Variants in CHST8 observed in about 807,000 individuals in gnomAD.
The protein encoded by CHST8 is GALNAC-4-ST1.
A neutral mutation model predicts 15.0 loss-of-function variants in CHST8; 10 were observed. The ratio of observed to expected loss-of-function variants is 0.67; its 90% CI spans 0.41 to 1.13. The LOEUF is 1.13. Among genes scored for constraint, CHST8 ranks in the 50% most tolerant of loss-of-function variants. The pLI is 0.00. For missense variants in CHST8, 634 were observed against 608.2 expected (o/e 1.04, Z -0.45); for synonymous variants, 259 against 256.6 (o/e 1.01, Z -0.09).
chr19:33,640,708 C>T (rs2145446816), intron 1 of CHST8, among the ~76,000 whole-genome samples: 1 of 152,314 alleles, frequency 6.6e-6, no homozygotes, highest in Non-Finnish European at 1.5e-5. Flanking sequence ...GGGGATGTGA[C>T]TGAATCTTCA....
At chr19:33,695,823 T>TTCTTTCTTTCTTTCTTTCTTTTTC (rs1425134877) in intron 3 of CHST8, among the ~76,000 whole-genome samples, 1 of 124,156 alleles carries the variant, frequency 8.1e-6, no homozygotes, top group African/African-American at 3.1e-5. Flanking sequence ...CTTTCTTTCT[T>TTCTTTCTTTCTTTCTTTCTTTTTC]TTTTTTTTTT....
chr19:33,699,167 A>G (rs1310753654), intron 3 of CHST8, among the ~76,000 whole-genome samples: 1 of 152,146 alleles, frequency 6.6e-6, no homozygotes, highest in Non-Finnish European at 1.5e-5. Context: ...AGAGATCTGT[A>G]CATGCCCATC....
intron 1 of CHST8, among the ~76,000 whole-genome samples, chr19:33,635,167 G>A (rs1972177105): frequency 6.6e-6 from 1 of 152,182 alleles, no homozygotes; most frequent in Non-Finnish European, 1.5e-5. Context: ...TCTTTTCATA[G>A]ATGATGTGCC....
chr19:33,656,225 T>C (rs927522542), intron 1 of CHST8, among the ~76,000 whole-genome samples: 1 of 152,204 alleles, frequency 6.6e-6, no homozygotes, highest in Non-Finnish European at 1.5e-5. Flanking sequence ...TTTTTAAAAA[T>C]TACCATATTT....
chr19:33,746,996 A>G (rs1327428992), intron 3 of CHST8, among the ~76,000 whole-genome samples: 2 of 152,166 alleles, frequency 1.3e-5, no homozygotes, highest in African/African-American at 4.8e-5. Flanking sequence ...TGCATGTCAA[A>G]CGGACTATAT....
intron 3 of CHST8, among the ~76,000 whole-genome samples, chr19:33,715,074 G>T (rs1156340193): frequency 6.6e-6 from 1 of 152,064 alleles, no homozygotes; most frequent in African/African-American, 2.4e-5. Context: ...CCACACAATT[G>T]CTCTGTTCAT....
chr19:33,771,483 A>C (rs765524936), intron 4 of CHST8, 33 bp downstream of exon 4: 6 of 1,610,166 alleles, frequency 3.7e-6, no homozygotes. Flanking sequence ...ATCTCAGTGC[A>C]CACAGCCCTT....
intron 3 of CHST8, among the ~76,000 whole-genome samples, chr19:33,726,667 C>T (rs1973907301): frequency 6.6e-6 from 1 of 152,124 alleles, no homozygotes; most frequent in South Asian, 2.1e-4. Context: ...CAGGGAAAGC[C>T]ACCCAAATGT....
chr19:33,636,403 C>T (rs1972202332), intron 1 of CHST8, among the ~76,000 whole-genome samples: 1 of 152,154 alleles, frequency 6.6e-6, no homozygotes, highest in African/African-American at 2.4e-5. Flanking sequence ...CGGCTTCAGG[C>T]TTGGGCCCTA....
intron 1 of CHST8, among the ~76,000 whole-genome samples, chr19:33,644,888 T>C (rs1972330008): frequency 6.6e-6 from 1 of 151,832 alleles, no homozygotes; most frequent in Admixed American, 6.6e-5. Context: ...GAGATGAGAT[T>C]AGAGGTTGGG....
intron 1 of CHST8, among the ~76,000 whole-genome samples, chr19:33,654,641 G>A (rs568364493): frequency 6.6e-6 from 1 of 151,884 alleles, no homozygotes; most frequent in African/African-American, 2.4e-5. Flanking sequence ...GTTCAGGCTT[G>A]GGATTCTTTT....
chr19:33,685,231 T>G (rs1046362129), intron 2 of CHST8: 4 of 152,234 alleles, frequency 2.6e-5, no homozygotes, highest in Non-Finnish European at 5.9e-5. Context: ...TCCCAAGTCC[T>G]TGCTTGTGCC....
chr19:33,632,769 GTGTA>G (rs1255183726), intron 1 of CHST8, among the ~76,000 whole-genome samples: 1 of 149,092 alleles, frequency 6.7e-6, no homozygotes, highest in Non-Finnish European at 1.5e-5. Flanking sequence ...GTGTGTGTGT[GTGTA>G]TGTGTGTGTG....
rs73926593 is a variant in CHST8, at chr19:33,706,670, G to A, written c.130+17279G>A. Among the ~76,000 whole-genome samples the A allele has an allele frequency of 6.4e-3, 972 of 152,282 alleles. 18 individuals carry two copies. Among genetic ancestry groups the A allele is most frequent in the African/African-American group, 0.022 (922 of 41,550 alleles). ...TATTGTAACCCCTTGCCCACGACCCGCACAGACCAAATAATGAAATTACAT... is the reference window on the plus strand; with the variant it reads ...TATTGTAACCCCTTGCCCACGACCCACACAGACCAAATAATGAAATTACAT... On this transcript the variant is annotated intron_variant, in intron 3 of 4. Transcript: ENST00000650847.
intron 2 of CHST8, among the ~76,000 whole-genome samples, chr19:33,668,280 G>A (rs927005277): frequency 6.6e-6 from 1 of 152,114 alleles, no homozygotes; most frequent in Admixed American, 6.6e-5. Flanking sequence ...TGTAGAGCTC[G>A]GGGACCCTGG....
At chr19:33,724,623 G>C (rs1973860155) in intron 3 of CHST8, among the ~76,000 whole-genome samples, 1 of 152,190 alleles carries the variant, frequency 6.6e-6, no homozygotes, top group Non-Finnish European at 1.5e-5. Context: ...ATCTGCCTCG[G>C]AAGGCCCTGG....
chr19:33,766,971 A>G (rs1974859964), intron 3 of CHST8, among the ~76,000 whole-genome samples: 1 of 152,234 alleles, frequency 6.6e-6, no homozygotes, highest in African/African-American at 2.4e-5. Flanking sequence ...GGGACCTGGG[A>G]CTGGCATGGC....
At chr19:33,635,443 A>G (rs923924991) in intron 1 of CHST8, among the ~76,000 whole-genome samples, 3 of 152,092 alleles carry the variant, frequency 2.0e-5, no homozygotes, top group Non-Finnish European at 4.4e-5. Context: ...CTTAGCTAGC[A>G]GGGAGGGAGG....
At chr19:33,742,724 C>G (rs1239469176) in intron 3 of CHST8, among the ~76,000 whole-genome samples, 1 of 152,170 alleles carries the variant, frequency 6.6e-6, no homozygotes, top group Admixed American at 6.5e-5. Flanking sequence ...TATATATCGG[C>G]TTGTCGACCA....
Sources: allele counts gnomAD v4.1 joint callset (sites outside exome capture counted in the v4.1 genomes callset), GRCh38; gene constraint gnomAD v4.1.1; transcripts MANE v1.5; gene names NCBI Gene and HGNC (gene_info 2026-07-23, HGNC 2026-07-21).